The following HS3ST1 variants were observed in gnomAD, a reference collection of about 807,000 sequenced individuals.
HS3ST1 encodes heparan sulfate-glucosamine 3-sulfotransferase 1.
Under a neutral mutation model 20.7 loss-of-function variants are expected in HS3ST1, and 8 were observed. The ratio of observed to expected loss-of-function variants is 0.39; its 90% CI spans 0.23 to 0.70. HS3ST1 has a LOEUF of 0.70. Ranked by LOEUF, HS3ST1 falls within the 30% of genes least tolerant of loss-of-function variation. HS3ST1 has a pLI of 0.46. For missense variants in HS3ST1, 436 were observed against 423.4 expected, an observed-to-expected ratio of 1.03 and a Z score of -0.26; for synonymous variants, 205 against 190.4, an observed-to-expected ratio of 1.08 and a Z score of -0.63.
Position 11,399,558 on chromosome 4 carries a change from A to T in HS3ST1, c.448T>A (p.Ser150Thr). ...IRLLLILRDP[S>T]ERVLSDYTQV... ...GTGTAGTCAGATAGCACGCGCTCCG[A>T]CGGGTCTCGCAGGATGAGCAGCAGC... The change falls in exon 2 of 2, where the codon TCG becomes ACG. Residue 150 changes from serine (S) to threonine (T), a missense_variant. Ser to Thr is a moderately conservative substitution (Grantham distance 58). Coordinates refer to ENST00000002596, the MANE Select transcript of HS3ST1 (RefSeq NM_005114.4). This position sits in a 1 kb window ranked among gnomAD's most constrained non-coding sequence, Gnocchi z 5.1. The T allele has an allele frequency of 1.9e-6, 3 of 1,613,794 alleles. No individual in the cohort carries two copies. The highest frequency in any genetic ancestry group is 1.6e-4 in the Middle Eastern group (1 of 6,062).
intron 1 of HS3ST1, among the ~76,000 whole-genome samples, chr4:11,409,359 T>A (rs1238249305): frequency 6.6e-6 from 1 of 152,168 alleles, no homozygotes; most frequent in Non-Finnish European, 1.5e-5. Context: ...AATTCATAGG[T>A]TGAGACCCTA....
At chr4:11,402,501 G>C (rs185384601) in intron 1 of HS3ST1, among the ~76,000 whole-genome samples, 29 of 152,292 alleles carry the variant, frequency 1.9e-4, no homozygotes, top group African/African-American at 7.0e-4. Context: ...AATTGTGCTT[G>C]GCTCTTACAT....
chr4:11,432,915 A>C (rs187370742), upstream of HS3ST1, among the ~76,000 whole-genome samples: 2 of 152,320 alleles, frequency 1.3e-5, no homozygotes, highest in Non-Finnish European at 2.9e-5. Flanking sequence ...TGTATGTAAC[A>C]ACAATCCATC....
At chr4:11,403,422 T>A (rs1251319079) in intron 1 of HS3ST1, among the ~76,000 whole-genome samples, 1 of 152,122 alleles carries the variant, frequency 6.6e-6, no homozygotes, top group Non-Finnish European at 1.5e-5. Context: ...GCCACCTTGA[T>A]CTTGACAATG....
intron 1 of HS3ST1, among the ~76,000 whole-genome samples, chr4:11,409,414 G>A (rs1289019480): frequency 3.4e-5 from 5 of 147,096 alleles, no homozygotes; most frequent in Admixed American, 6.7e-5. Context: ...TTAGATGATC[G>A]GATTTCCATA....
chr4:11,413,751 G>A (rs1718695542), intron 1 of HS3ST1, among the ~76,000 whole-genome samples: 1 of 152,176 alleles, frequency 6.6e-6, no homozygotes. Flanking sequence ...CAGGATGCTT[G>A]TGGGAAGAGC....
intron 1 of HS3ST1, among the ~76,000 whole-genome samples, chr4:11,416,474 G>A (rs1480850062): frequency 6.6e-6 from 1 of 152,218 alleles, no homozygotes; most frequent in Non-Finnish European, 1.5e-5. Flanking sequence ...AATGTGGAGA[G>A]CTCCAGGAGG....
chr4:11,430,742 G>C (rs1017034005), upstream of HS3ST1, among the ~76,000 whole-genome samples: 8 of 152,322 alleles, frequency 5.3e-5, no homozygotes, highest in African/African-American at 1.9e-4. Context: ...TGGAACCCCA[G>C]GTCTCCAGCC....
chr4:11,410,311 G>A (rs570158601), intron 1 of HS3ST1, among the ~76,000 whole-genome samples: 2 of 152,326 alleles, frequency 1.3e-5, no homozygotes, highest in South Asian at 4.1e-4. Flanking sequence ...GAGCCCAGAG[G>A]AAAGAGATGG....
chr4:11,397,141 A>G lies in HS3ST1; in HGVS notation c.*1941T>C, dbSNP rs1048209791. The G allele has an allele frequency of 6.6e-6, 1 of 152,292 alleles. No individual in the cohort carries two copies. 9.4% of individuals were successfully genotyped at this position (152,292 alleles called of 1,614,324 possible). On this transcript the variant is annotated 3_prime_UTR_variant, in exon 2 of 2. Transcript: ENST00000002596. ...AAGGAGTATGGTAAAAGCAAGATCC[A>G]ACGATGTGCTGCAGAGGGAGGCTCT...
intron 1 of HS3ST1, among the ~76,000 whole-genome samples, chr4:11,424,037 GAAAA>G (rs543945093): frequency 5.3e-4 from 60 of 112,880 alleles, no homozygotes; most frequent in Middle Eastern, 4.5e-3. Flanking sequence ...AGTCTATCTT[GAAAA>G]AAAAAAAAAA....
At position 11,397,301 on chromosome 4, in the gene HS3ST1, A is replaced by T. The variant is rs1181425987; in HGVS notation, c.*1781T>A. Reference sequence around the variant, plus strand: ...AAGGCATCCTCTCTGCTCTCTGTTCATGATATGGGGTGGGGCATAGGCCAT... The same window carrying T: ...AAGGCATCCTCTCTGCTCTCTGTTCTTGATATGGGGTGGGGCATAGGCCAT... On this transcript the variant is annotated 3_prime_UTR_variant, in exon 2 of 2. Coordinates refer to ENST00000002596, the MANE Select transcript of HS3ST1 (RefSeq NM_005114.4). 1 of 152,372 alleles carries T rather than the reference A, an allele frequency of 6.6e-6. No homozygotes were observed. Among genetic ancestry groups the T allele is most frequent in the Non-Finnish European group, 1.5e-5 (1 of 68,180 alleles). The allele number at this position is 152,372 out of a possible 1,614,324, so 9.4% of individuals were successfully genotyped here.
Position 11,393,683 on chromosome 4 carries a change from C to T in HS3ST1, c.*5399G>A, listed in dbSNP as rs913650202. The T allele has an allele frequency of 1.3e-5, 2 of 152,214 alleles. No individual in the cohort carries two copies. The highest frequency in any genetic ancestry group is 2.4e-5 in the African/African-American group (1 of 41,438). The allele number at this position is 152,214 out of a possible 1,614,324, so 9.4% of individuals were successfully genotyped here. ...GAAGTCTAGCCTCAGCCTGATCTCA[C>T]GAGGAGCTCTGAGCATGAGTTGCAC... is the stretch of plus-strand genomic sequence containing the variant. On this transcript the variant is annotated 3_prime_UTR_variant, in exon 2 of 2. Coordinates refer to ENST00000002596, the MANE Select transcript of HS3ST1 (RefSeq NM_005114.4).
At chr4:11,432,087 T>C (rs1719216490), upstream of HS3ST1, among the ~76,000 whole-genome samples, 1 of 152,162 alleles carries the variant, frequency 6.6e-6, no homozygotes, top group African/African-American at 2.4e-5. Context: ...AATTAAGTAA[T>C]ATGCTTATGT....
chr4:11,404,246 C>T (rs550304671), intron 1 of HS3ST1, among the ~76,000 whole-genome samples: 8 of 152,202 alleles, frequency 5.3e-5, no homozygotes, highest in Non-Finnish European at 7.4e-5. Flanking sequence ...GATGGGGTTT[C>T]GCCATGTTGG....
chr4:11,400,851 G>A (rs894811176), intron 1 of HS3ST1, among the ~76,000 whole-genome samples: 2 of 152,204 alleles, frequency 1.3e-5, no homozygotes, highest in Non-Finnish European at 2.9e-5. Context: ...GGCTGCAAGA[G>A]GCCTTGTGTG....
chr4:11,433,973 G>A (rs2108896035), upstream of HS3ST1, among the ~76,000 whole-genome samples: 1 of 152,310 alleles, frequency 6.6e-6, no homozygotes, highest in South Asian at 2.1e-4. Context: ...ATCAGCACAT[G>A]CTGTTTCTAG....
At chr4:11,411,667 C>T (rs1718639860) in intron 1 of HS3ST1, among the ~76,000 whole-genome samples, 1 of 152,236 alleles carries the variant, frequency 6.6e-6, no homozygotes, top group Non-Finnish European at 1.5e-5. Context: ...ATTAAATGCA[C>T]TGGTGTATGT....
At position 11,422,127 on chromosome 4, in the gene HS3ST1, G is replaced by A. The variant is rs143567129; in HGVS notation, c.-109+6572C>T. Among the ~76,000 whole-genome samples, 302 of 152,336 alleles carry A rather than the reference G, an allele frequency of 2.0e-3. 3 individuals are homozygous for A. The highest frequency in any genetic ancestry group is 0.015 in the Admixed American group (237 of 15,310). On this transcript the variant is annotated intron_variant, in intron 1 of 1. Transcript: ENST00000002596. ...TGCCAGTTATTCAGCTGGACTGACC[G>A]TATTGGGAATCCCTAAAATAGACAA...
Sources: allele counts gnomAD v4.1 joint callset (sites outside exome capture counted in the v4.1 genomes callset), GRCh38; gene constraint gnomAD v4.1.1; non-coding constraint Gnocchi (gnomAD v3.1); transcripts MANE v1.5; gene names NCBI Gene and HGNC (gene_info 2026-07-23, HGNC 2026-07-21).